The following ARHGAP11B variants were observed in gnomAD, a reference collection of about 807,000 sequenced individuals.
ARHGAP11B encodes the protein Rho GTPase activating protein 11B.
ARHGAP11B carries 14 observed loss-of-function variants against 27.6 expected under a neutral mutation model. The ratio of observed to expected loss-of-function variants is 0.51; its 90% confidence interval spans 0.34 to 0.79. The LOEUF (loss-of-function observed/expected upper bound fraction) is 0.79, where lower values mean the gene tolerates loss of function less well. Ranked by LOEUF, ARHGAP11B falls within the 30% of genes least tolerant of loss-of-function variation. The pLI is 0.02. For synonymous variants in ARHGAP11B, 82 were observed against 114.1 expected (o/e 0.72, Z 1.80); for missense variants, 245 against 320.1 (o/e 0.77, Z 1.79).
At chr15:30,635,313 T>A (rs966240126) in intron 5 of ARHGAP11B, 125 bp downstream of exon 5, 2 of 1,474,502 alleles carry the variant, frequency 1.4e-6, no homozygotes, top group African/African-American at 2.8e-5. Context: ...TCAAAGGAAC[T>A]ATGAAGGCAA....
At chr15:30,645,519 T>A (rs754622624) in intron 8 of ARHGAP11B, among the ~76,000 whole-genome samples, 1 of 152,038 alleles carries the variant, frequency 6.6e-6, no homozygotes, top group Non-Finnish European at 1.5e-5. Flanking sequence ...AAATACTATT[T>A]ATTTTTTCTT....
chr15:30,646,732 G>A (rs1185049030), intron 9 of ARHGAP11B, among the ~76,000 whole-genome samples: 1 of 151,726 alleles, frequency 6.6e-6, no homozygotes, highest in Non-Finnish European at 1.5e-5. Flanking sequence ...CACTTTGGGA[G>A]GCTGAGGCGG....
chr15:30,633,986 C>T (rs1423924868), intron 3 of ARHGAP11B, among the ~76,000 whole-genome samples, 184 bp from the exon 4 acceptor site: 4 of 149,294 alleles, frequency 2.7e-5, no homozygotes, highest in African/African-American at 7.4e-5. Context: ...ATAGTCTGTG[C>T]CACATTTCTA....
chr15:30,631,526 C>T (rs939875416), intron 2 of ARHGAP11B, among the ~76,000 whole-genome samples: 1 of 151,792 alleles, frequency 6.6e-6, no homozygotes, highest in African/African-American at 2.4e-5. Context: ...ATCAGCTGGG[C>T]AAGGTGGTGT....
intron 8 of ARHGAP11B, among the ~76,000 whole-genome samples, chr15:30,645,777 A>G (rs2060343866): frequency 6.6e-6 from 1 of 152,018 alleles, no homozygotes; most frequent in African/African-American, 2.4e-5. Context: ...GAGTTGATTT[A>G]TTTATACAAA....
exon 5 of ARHGAP11B, chr15:30,635,138 C>T: frequency 1.9e-6 from 3 of 1,613,500 alleles, no homozygotes; most frequent in Non-Finnish European, 2.5e-6. Context: ...ACCAAATCTT[C>T]TTCAGACAAG....
At chr15:30,640,056 G>C (rs1490592984) in intron 7 of ARHGAP11B, among the ~76,000 whole-genome samples, 23 of 147,236 alleles carry the variant, frequency 1.6e-4, no homozygotes, top group African/African-American at 5.5e-4. Flanking sequence ...CAGAGTAGTA[G>C]TTTGGGCTTC....
At chr15:30,647,234 G>GT (rs1241815295) in intron 9 of ARHGAP11B, among the ~76,000 whole-genome samples, 1 of 151,364 alleles carries the variant, frequency 6.6e-6, no homozygotes, top group Non-Finnish European at 1.5e-5. Flanking sequence ...TTTGTTTTTT[G>GT]TTTCTTTGGG....
chr15:30,644,796 A>C, intron 8 of ARHGAP11B: 1 of 1,090,344 alleles, frequency 9.2e-7, no homozygotes, highest in Non-Finnish European at 1.4e-6. Flanking sequence ...GTATGTGAAT[A>C]ACTAAATTTA....
At chr15:30,644,405 T>A (rs1463828526) in intron 7 of ARHGAP11B, among the ~76,000 whole-genome samples, 2 of 152,040 alleles carry the variant, frequency 1.3e-5, no homozygotes, top group Non-Finnish European at 2.9e-5. Context: ...AGGGGTGAAT[T>A]TTTTCTTTGA....
At chr15:30,631,483 A>G (rs1445800797) in intron 2 of ARHGAP11B, among the ~76,000 whole-genome samples, 2 of 152,042 alleles carry the variant, frequency 1.3e-5, no homozygotes, top group Non-Finnish European at 2.9e-5. Flanking sequence ...CAACAAAGCA[A>G]GACTCCATGT....
At chr15:30,640,670 A>G (rs1002870987) in intron 7 of ARHGAP11B, among the ~76,000 whole-genome samples, 2 of 151,896 alleles carry the variant, frequency 1.3e-5, no homozygotes, top group African/African-American at 2.4e-5. Context: ...TCTGAGTTAT[A>G]TGAGTTCCTT....
At position 30,646,085 on chromosome 15, in the gene ARHGAP11B, A is replaced by G. The variant is rs566302325; in HGVS notation, c.*143-29A>G. On this transcript the variant is annotated intron_variant, in intron 8 of 10. Transcript: ENST00000428041. ...TCCAGCAGTTGTTTTTCTCATCATC[A>G]TACTTCTGTTATTTTCTTTCCTTGG... The G allele has an allele frequency of 7.1e-5, 48 of 680,640 alleles. No individual in the cohort carries two copies. In the African/African-American group the frequency reaches 9.0e-4, roughly 13 times the overall value. 42.2% of individuals were successfully genotyped at this position (680,640 alleles called of 1,614,324 possible).
At chr15:30,632,539 CTG>C (rs1271061625) in intron 2 of ARHGAP11B, among the ~76,000 whole-genome samples, 2 of 151,590 alleles carry the variant, frequency 1.3e-5, no homozygotes, top group Non-Finnish European at 1.5e-5. Context: ...ATTAAAAAGA[CTG>C]TTTTGTCAGT....
chr15:30,633,719 T>G, intron 3 of ARHGAP11B, 133 bp downstream of exon 3: 1 of 620,946 alleles, frequency 1.6e-6, no homozygotes, highest in South Asian at 3.1e-5. Flanking sequence ...TGGCAGAAGA[T>G]TTTTTTTTTT....
At chr15:30,630,943 A>C (rs2060241495) in intron 2 of ARHGAP11B, among the ~76,000 whole-genome samples, 170 bp downstream of exon 2, 1 of 151,992 alleles carries the variant, frequency 6.6e-6, no homozygotes, top group Non-Finnish European at 1.5e-5. Context: ...TTGGCGGAGC[A>C]CACTTGTAGT....
At chr15:30,637,816 CTTTTTTTTTT>C (rs398026724) in intron 6 of ARHGAP11B, among the ~76,000 whole-genome samples, 1 of 103,122 alleles carries the variant, frequency 9.7e-6, no homozygotes, top group Admixed American at 1.0e-4. Context: ...TTAAGGCTCA[CTTTTTTTTTT>C]TTTTTTTTTT....
intron 7 of ARHGAP11B, chr15:30,644,635 A>G: frequency 6.4e-7 from 1 of 1,568,784 alleles, no homozygotes; most frequent in Non-Finnish European, 8.7e-7. Flanking sequence ...TTTTTTAACC[A>G]CAGATAATGA....
intron 8 of ARHGAP11B, chr15:30,644,837 G>T: frequency 3.5e-6 from 3 of 846,346 alleles, no homozygotes; most frequent in East Asian, 2.6e-5. Context: ...ATATTCTTGG[G>T]TCAGTGTTAT....
Sources: gnomAD v4.1 joint callset for allele counts (sites outside exome capture counted in the v4.1 genomes callset) on GRCh38, gnomAD v4.1.1 for gene constraint, MANE v1.5 for transcripts, NCBI Gene and HGNC (gene_info 2026-07-23, HGNC 2026-07-21) for gene names.